Variants in HYDIN observed in about 807,000 individuals in gnomAD.
The protein encoded by HYDIN is HYDIN axonemal central pair apparatus protein.
In HYDIN, 132 loss-of-function variants were observed where a neutral mutation model predicts 403.9. The ratio of observed to expected loss-of-function variants is 0.33; its 90% CI spans 0.28 to 0.38. The LOEUF (loss-of-function observed/expected upper bound fraction) is 0.38, where lower values mean the gene tolerates loss of function less well. HYDIN is among the 10% of genes least tolerant of loss of function. The pLI, the probability that HYDIN is intolerant of heterozygous loss-of-function variation, is 1.00. For synonymous variants in HYDIN, 1,202 were observed against 1,891.7 expected (o/e 0.64, Z 9.46); for missense variants, 2,827 against 5,009.5 (o/e 0.56, Z 13.15).
intron 80 of HYDIN, among the ~76,000 whole-genome samples, chr16:70,831,950 AT>A (rs1464917117): frequency 6.7e-6 from 1 of 150,374 alleles, no homozygotes; most frequent in Non-Finnish European, 1.5e-5. Flanking sequence ...CACAAAACTT[AT>A]GTTCGGAATA....
chr16:71,144,864 T>C (rs376229824), intron 7 of HYDIN, among the ~76,000 whole-genome samples: 22 of 150,836 alleles, frequency 1.5e-4, no homozygotes, highest in African/African-American at 5.1e-4. Flanking sequence ...TCTGGAACAT[T>C]GTTTTAGGAA....
intron 84 of HYDIN, among the ~76,000 whole-genome samples, chr16:70,813,064 T>C (rs1005083914): frequency 4.6e-5 from 7 of 151,334 alleles, no homozygotes; most frequent in Non-Finnish European, 7.4e-5. Context: ...GCAATTCACT[T>C]GCCTCACCCT....
intron 23 of HYDIN, among the ~76,000 whole-genome samples, chr16:71,003,047 C>T (rs576038401): frequency 6.6e-6 from 1 of 152,188 alleles, no homozygotes; most frequent in South Asian, 2.1e-4. Flanking sequence ...ATAGGCCATC[C>T]CTTCTCCTTT....
chr16:71,103,980 T>G, intron 10 of HYDIN, among the ~76,000 whole-genome samples: 1 of 152,176 alleles, frequency 6.6e-6, no homozygotes, highest in South Asian at 2.1e-4. Flanking sequence ...ATATGGGTCT[T>G]GTATACATTT....
At chr16:71,219,617 C>T (rs2089088315) in intron 1 of HYDIN, among the ~76,000 whole-genome samples, 1 of 152,156 alleles carries the variant, frequency 6.6e-6, no homozygotes, top group Non-Finnish European at 1.5e-5. Flanking sequence ...TCCATACCAC[C>T]TCAAGGGATA....
intron 1 of HYDIN, chr16:71,203,813 C>T (rs2088151137): frequency 2.2e-6 from 1 of 455,688 alleles, no homozygotes; most frequent in Admixed American, 2.4e-5. Flanking sequence ...AAATAGTTCC[C>T]CAGCACATTG....
At chr16:71,017,157 T>C (rs377049666) in intron 23 of HYDIN, among the ~76,000 whole-genome samples, 75 of 149,436 alleles carry the variant, frequency 5.0e-4, no homozygotes, top group African/African-American at 1.7e-3. Flanking sequence ...CTGGCCAACA[T>C]GGTGAAACCG....
Position 70,804,277 on chromosome 16 carries a change from G to A in HYDIN, c.*3303C>T, listed in dbSNP as rs1251205962. Among the ~76,000 whole-genome samples, 2 of 152,232 alleles carry A rather than the reference G, an allele frequency of 1.3e-5. No homozygotes were observed. Among genetic ancestry groups the A allele is most frequent in the African/African-American group, 2.4e-5 (1 of 41,448 alleles). ...GGATTTGGACCCTAGACTCAGTGGT[G>A]TTATAGGACCAACACGTTTGTGTGC... On this transcript the variant is annotated 3_prime_UTR_variant, in exon 86 of 86. Coordinates refer to ENST00000393567, the MANE Select transcript of HYDIN (RefSeq NM_001270974.2).
At chr16:71,067,984 T>C (rs1181576429) in intron 14 of HYDIN, among the ~76,000 whole-genome samples, 1 of 151,968 alleles carries the variant, frequency 6.6e-6, no homozygotes, top group African/African-American at 2.4e-5. Context: ...TCAGAACTCA[T>C]TGGTACTTAG....
chr16:70,996,376 A>G (rs2079533336), intron 23 of HYDIN, among the ~76,000 whole-genome samples: 2 of 152,190 alleles, frequency 1.3e-5, no homozygotes, highest in Admixed American at 6.5e-5. Flanking sequence ...AGTCAGAGCC[A>G]CAGGAGTGGC....
Position 70,931,356 on chromosome 16 carries a change from T to A in HYDIN, c.7158+4596A>T, listed in dbSNP as rs573375715. On this transcript the variant is annotated intron_variant, in intron 45 of 85. Transcript: ENST00000393567. ...TGCACACCACCACAGATGGCCTGAATTGAGTCTTCTATTTCTTGCAGTTTA... is the reference window on the plus strand; with the variant it reads ...TGCACACCACCACAGATGGCCTGAAATGAGTCTTCTATTTCTTGCAGTTTA... 9.2e-3 allele frequency among the ~76,000 whole-genome samples: 1,392 copies of A among 150,642 alleles called. 14 individuals are homozygous for A. The highest frequency in any genetic ancestry group is 0.033 in the African/African-American group (1,349 of 41,034).
At position 70,879,588 on chromosome 16, in the gene HYDIN, G is replaced by C. The variant is rs779925194; in HGVS notation, c.10367+17C>G. On this transcript the variant is annotated intron_variant, in intron 61 of 85. Coordinates refer to ENST00000393567, the MANE Select transcript of HYDIN (RefSeq NM_001270974.2). ...GTCCTGCTGCAGGAGAGGGAGCTGG[G>C]AGCTGGGAGTTGGTACCTGGGCAAG... 2 of 1,613,172 alleles carry C rather than the reference G, an allele frequency of 1.2e-6. No homozygotes were observed. Among genetic ancestry groups the C allele is most frequent in the Non-Finnish European group, 1.7e-6 (2 of 1,179,872 alleles).
At chr16:71,164,997 T>C in intron 5 of HYDIN, among the ~76,000 whole-genome samples, 1 of 152,140 alleles carries the variant, frequency 6.6e-6, no homozygotes, top group Non-Finnish European at 1.5e-5. Context: ...CTGTAATCAC[T>C]CTTCACCACC....
At chr16:70,868,347 C>T (rs1291891566) in intron 66 of HYDIN, among the ~76,000 whole-genome samples, 3 of 145,322 alleles carry the variant, frequency 2.1e-5, no homozygotes, top group Non-Finnish European at 3.0e-5. Context: ...AACTGCTTAT[C>T]AAGACTTAAG....
intron 4 of HYDIN, among the ~76,000 whole-genome samples, chr16:71,177,916 G>T (rs973109963): frequency 6.6e-6 from 1 of 152,054 alleles, no homozygotes; most frequent in Non-Finnish European, 1.5e-5. Flanking sequence ...TCATAAGGCT[G>T]AAAAAGAAAT....
intron 3 of HYDIN, among the ~76,000 whole-genome samples, chr16:71,183,799 TATAA>T (rs1318262972): frequency 1.3e-5 from 2 of 152,116 alleles, no homozygotes; most frequent in African/African-American, 2.4e-5. Flanking sequence ...AATCTCAGCA[TATAA>T]ATTAAAAATA....
chr16:71,203,605 G>C (rs1794454496), intron 1 of HYDIN: 2 of 393,812 alleles, frequency 5.1e-6, no homozygotes, highest in South Asian at 3.9e-5. Context: ...ACAATGCCTG[G>C]AAATTCAGGA....
intron 45 of HYDIN, among the ~76,000 whole-genome samples, chr16:70,929,119 G>A (rs1345272940): frequency 6.7e-5 from 10 of 149,606 alleles, no homozygotes; most frequent in African/African-American, 2.4e-4. Context: ...GTGAAACCTT[G>A]TCTCTACTAA....
intron 1 of HYDIN, among the ~76,000 whole-genome samples, chr16:71,219,362 C>T (rs1169338509): frequency 6.6e-6 from 1 of 151,854 alleles, no homozygotes; most frequent in Admixed American, 6.6e-5. Context: ...CAAGAGATTG[C>T]TTTTTCTAGT....
Sources: gnomAD v4.1 joint callset for allele counts (sites outside exome capture counted in the v4.1 genomes callset) on GRCh38, gnomAD v4.1.1 for gene constraint, MANE v1.5 for transcripts, NCBI Gene and HGNC (gene_info 2026-07-23, HGNC 2026-07-21) for gene names.